The following ADAMTS20 variants were observed in gnomAD, a reference collection of about 807,000 sequenced individuals.
The protein encoded by ADAMTS20 is ADAM metallopeptidase with thrombospondin type 1 motif 20, also known as A disintegrin and metalloproteinase with thrombospondin motifs 20.
A neutral mutation model predicts 260.1 loss-of-function variants in ADAMTS20; 225 were observed. That is an observed-to-expected ratio of 0.87 (90% CI 0.78 to 0.97). The LOEUF (loss-of-function observed/expected upper bound fraction) is 0.97, where lower values mean the gene tolerates loss of function less well. Ranked by LOEUF, ADAMTS20 falls within the 50% of genes least tolerant of loss-of-function variation. ADAMTS20 has a pLI of 0.00. For synonymous variants in ADAMTS20, 802 were observed against 769.5 expected, an observed-to-expected ratio of 1.04 and a Z score of -0.70; for missense variants, 2,400 against 2,337.7, an observed-to-expected ratio of 1.03 and a Z score of -0.55.
intron 7 of ADAMTS20, among the ~76,000 whole-genome samples, chr12:43,482,234 T>A (rs896892005): frequency 1.3e-5 from 2 of 152,058 alleles, no homozygotes; most frequent in African/African-American, 4.8e-5. Context: ...TGCAATATAA[T>A]CTCAAGTGGG....
chr12:43,446,347 G>C (rs1385570320), intron 15 of ADAMTS20, among the ~76,000 whole-genome samples: 1 of 152,136 alleles, frequency 6.6e-6, no homozygotes, highest in Non-Finnish European at 1.5e-5. Context: ...TTTACTCTAA[G>C]AAATGCACCT....
chr12:43,519,341 AT>A (rs1943040584), intron 3 of ADAMTS20, among the ~76,000 whole-genome samples: 1 of 152,104 alleles, frequency 6.6e-6, no homozygotes, highest in African/African-American at 2.4e-5. Context: ...CACTACCATT[AT>A]TTCTACTAAT....
At chr12:43,359,264 G>A (rs1939817128) in intron 37 of ADAMTS20, among the ~76,000 whole-genome samples, 2 of 152,278 alleles carry the variant, frequency 1.3e-5, no homozygotes, top group South Asian at 2.1e-4. Flanking sequence ...TGAGTAACTG[G>A]CTGCATCAAA....
intron 29 of ADAMTS20, among the ~76,000 whole-genome samples, chr12:43,393,300 G>GC (rs1940634326): frequency 6.6e-6 from 1 of 151,980 alleles, no homozygotes; most frequent in African/African-American, 2.4e-5. Flanking sequence ...GAATGTAAAG[G>GC]CATTGTGAAG....
At chr12:43,432,164 A>C (rs1342119627) in intron 21 of ADAMTS20, 140 bp downstream of exon 21, 5 of 1,002,442 alleles carry the variant, frequency 5.0e-6, no homozygotes, top group South Asian at 3.6e-5. Context: ...CTGTCTTATA[A>C]ATTTCTGACA....
Position 43,371,181 on chromosome 12 carries a change from G to A in ADAMTS20, c.5447-1800C>T, listed in dbSNP as rs146980928. On this transcript the variant is annotated intron_variant, in intron 36 of 38. Coordinates refer to ENST00000389420, the MANE Select transcript of ADAMTS20 (RefSeq NM_025003.5). ...AGACTGCTTTTTATTCTCTGATATC[G>A]CCAAAATGCTTCTCCCTTCCATGCT... 3.3e-3 allele frequency among the ~76,000 whole-genome samples: 501 copies of A among 152,104 alleles called. 2 individuals are homozygous for A. Among genetic ancestry groups the A allele is most frequent in the African/African-American group, 0.011 (457 of 41,512 alleles).
intron 15 of ADAMTS20, among the ~76,000 whole-genome samples, chr12:43,444,350 T>A (rs1156939780): frequency 6.6e-6 from 1 of 152,090 alleles, no homozygotes; most frequent in African/African-American, 2.4e-5. Context: ...TAATGAAATT[T>A]TTCAATTTCA....
rs1939691939 is a variant in ADAMTS20 at position 43,354,109 on chromosome 12, T to C, written c.*100A>G. The C allele has an allele frequency of 5.7e-6, 5 of 882,168 alleles. No homozygotes were observed. In the East Asian group the frequency reaches 1.2e-4, roughly 20 times the overall value. 54.6% of individuals were successfully genotyped at this position (882,168 alleles called of 1,614,324 possible). On this transcript the variant is annotated 3_prime_UTR_variant, in exon 39 of 39. Transcript: ENST00000389420. ...AAAAAAGGCAGAGACATATTGGACA[T>C]GGAAATCTCGGGAAGGGAGATATAA... is the stretch of plus-strand genomic sequence containing the variant.
chr12:43,539,761 T>C (rs1352535367), intron 2 of ADAMTS20, among the ~76,000 whole-genome samples: 1 of 152,172 alleles, frequency 6.6e-6, no homozygotes, highest in Non-Finnish European at 1.5e-5. Context: ...TGTGATACTA[T>C]CTTGACAAAA....
At chr12:43,439,553 C>A in intron 18 of ADAMTS20, 69 bp downstream of exon 18, 1 of 1,540,396 alleles carries the variant, frequency 6.5e-7, no homozygotes, top group South Asian at 1.3e-5. Flanking sequence ...GCAGCCAAGA[C>A]TCAAAAGTAC....
intron 12 of ADAMTS20, 58 bp from the exon 13 acceptor site, chr12:43,452,753 C>T: frequency 1.4e-6 from 2 of 1,413,478 alleles, no homozygotes; most frequent in South Asian, 1.5e-5. Flanking sequence ...GTGCCACTTA[C>T]TTCTAAAAGT....
intron 29 of ADAMTS20, among the ~76,000 whole-genome samples, chr12:43,398,701 G>A (rs1940751005): frequency 2.0e-5 from 3 of 152,110 alleles, no homozygotes; most frequent in South Asian, 4.1e-4. Flanking sequence ...TTCTTGTTAA[G>A]TTTATAGTCA....
At position 43,377,418 on chromosome 12, in the gene ADAMTS20, A is replaced by G. The variant is rs750398374; in HGVS notation, c.4942T>C (p.Cys1648Arg). ...GCCAAATGCAAACAGCTGTTAATGC[A>G]TTGGTAAACCTGAGAGGAAGGCACC... ...PVVPSSQVYQ[C>R]INSCLHLATW... is the part of the protein sequence containing the mutation. Residue 1648 changes from cysteine (C) to arginine (R), a missense_variant, in exon 32 of 39, where the codon TGC (cysteine) becomes CGC (arginine). Physicochemically the swap from Cys to Arg is radical, Grantham distance 180. Transcript: ENST00000389420. The G allele has an allele frequency of 3.0e-5, 49 of 1,613,486 alleles. No individual in the cohort carries two copies. The highest frequency in any genetic ancestry group is 3.8e-5 in the Non-Finnish European group (45 of 1,179,700).
chr12:43,362,835 A>C (rs1455397341), intron 37 of ADAMTS20, among the ~76,000 whole-genome samples: 2 of 151,844 alleles, frequency 1.3e-5, no homozygotes, highest in Non-Finnish European at 2.9e-5. Flanking sequence ...AATTAGAAAA[A>C]AAAAAAAAAA....
intron 28 of ADAMTS20, among the ~76,000 whole-genome samples, chr12:43,405,456 ATAATAAAT>A (rs1940901953): frequency 1.5e-5 from 2 of 135,856 alleles, no homozygotes; most frequent in South Asian, 4.7e-4. Context: ...AATAATAATA[ATAATAAAT>A]TAAATATTTC....
intron 36 of ADAMTS20, among the ~76,000 whole-genome samples, chr12:43,371,441 G>C (rs1175919552): frequency 6.6e-6 from 1 of 152,216 alleles, no homozygotes; most frequent in East Asian, 1.9e-4. Context: ...TTACCAGGAA[G>C]AGACAAGTTA....
intron 36 of ADAMTS20, among the ~76,000 whole-genome samples, chr12:43,373,083 A>C (rs1402993546): frequency 6.6e-6 from 1 of 152,258 alleles, no homozygotes; most frequent in Non-Finnish European, 1.5e-5. Context: ...GGTATCAGTC[A>C]GAAGGGCTGT....
chr12:43,398,432 T>C (rs536077583), intron 29 of ADAMTS20, among the ~76,000 whole-genome samples: 6 of 152,234 alleles, frequency 3.9e-5, no homozygotes, highest in South Asian at 2.1e-4. Context: ...GCTGAGTCTT[T>C]TCATTTTTGG....
chr12:43,516,007 A>C (rs1198026765), intron 3 of ADAMTS20, among the ~76,000 whole-genome samples: 2 of 152,140 alleles, frequency 1.3e-5, no homozygotes, highest in Non-Finnish European at 2.9e-5. Flanking sequence ...GCAGACTGAC[A>C]GGTCAGAGTG....
Sources: allele counts gnomAD v4.1 joint callset (sites outside exome capture counted in the v4.1 genomes callset), GRCh38; gene constraint gnomAD v4.1.1; transcripts MANE v1.5; gene names NCBI Gene and HGNC (gene_info 2026-07-23, HGNC 2026-07-21).